Variants in VGLL4 observed in about 807,000 individuals in gnomAD.
The protein encoded by VGLL4 is vestigial like family member 4.
Under a neutral mutation model 21.0 loss-of-function variants are expected in VGLL4, and 7 were observed. That is an observed-to-expected ratio of 0.33 (90% confidence interval 0.19 to 0.63). The LOEUF is 0.63. VGLL4 is among the 20% of genes least tolerant of loss of function. The pLI is 0.78. For synonymous variants in VGLL4, 222 were observed against 173.2 expected (o/e 1.28, Z -2.21); for missense variants, 394 against 425.7 (o/e 0.93, Z 0.66).
rs2076965147 is a variant in VGLL4 at position 11,719,569 on chromosome 3, AAACACG to A, written c.-14+819_-14+824del. 1 of 151,520 alleles carries A rather than the reference AAACACG, an allele frequency of 6.6e-6. No homozygotes were observed. Among genetic ancestry groups the A allele is most frequent in the Admixed American group, 6.6e-5 (1 of 15,202 alleles). The allele number at this position is 151,520 out of a possible 1,614,324, so 9.4% of individuals were successfully genotyped here. ...CCGAGCCCCCGCACGGGCCCCCGCCAAACACGCACACGCACACGCACGCGCGGACCG... is the reference window on the plus strand; with the variant it reads ...CCGAGCCCCCGCACGGGCCCCCGCCACACACGCACACGCACGCGCGGACCG... On this transcript the variant is annotated intron_variant, in intron 1 of 5. Coordinates refer to the VGLL4 transcript ENST00000273038. This position sits in a 1 kb window ranked among gnomAD's most constrained non-coding sequence, Gnocchi z 4.0.
chr3:11,621,710 C>G (rs752963898), intron 1 of VGLL4, among the ~76,000 whole-genome samples: 13 of 152,148 alleles, frequency 8.5e-5, no homozygotes, highest in Non-Finnish European at 1.6e-4. Context: ...CAAATGGTAA[C>G]TCTATGTTTA....
At chr3:11,588,228 G>T (rs1487538009) in intron 2 of VGLL4, among the ~76,000 whole-genome samples, 1 of 152,232 alleles carries the variant, frequency 6.6e-6, no homozygotes, top group Non-Finnish European at 1.5e-5. Flanking sequence ...TAGTGCTACA[G>T]ACCTGAGCAA....
chr3:11,643,909 G>C lies in VGLL4; in HGVS notation c.-391C>G, dbSNP rs1379111512. The C allele has an allele frequency of 9.8e-7, 1 of 1,016,226 alleles. No homozygotes were observed. Among genetic ancestry groups the C allele is most frequent in the Non-Finnish European group, 1.2e-6 (1 of 849,030 alleles). The allele number at this position is 1,016,226 out of a possible 1,614,324, so 63.0% of individuals were successfully genotyped here. ...CTGCAAGCCGGCAGCGCTGACATGA[G>C]GGCTATGCTTGGCATGACTCCTATG... On this transcript the variant is annotated 5_prime_UTR_variant, in exon 1 of 5. Transcript: ENST00000430365.
chr3:11,652,179 C>T (rs1386565605), intron 2 of VGLL4, among the ~76,000 whole-genome samples: 1 of 152,122 alleles, frequency 6.6e-6, no homozygotes, highest in Non-Finnish European at 1.5e-5. Flanking sequence ...CTGCAGAATT[C>T]GTGCTATTCT....
intron 1 of VGLL4, chr3:11,610,671 G>C (rs180741333): frequency 9.7e-4 from 148 of 152,322 alleles, no homozygotes; most frequent in African/African-American, 3.2e-3. Flanking sequence ...ATTGTGTTGA[G>C]AGAGTACAGC....
chr3:11,643,902 G>T lies in VGLL4; in HGVS notation c.-384C>A. Reference sequence around the variant, plus strand: ...CAGCCCGCTGCAAGCCGGCAGCGCTGACATGAGGGCTATGCTTGGCATGAC... The same window carrying T: ...CAGCCCGCTGCAAGCCGGCAGCGCTTACATGAGGGCTATGCTTGGCATGAC... On this transcript the variant is annotated 5_prime_UTR_variant, in exon 1 of 5. It introduces an in-frame stop codon into an upstream open reading frame of the 5' UTR. Transcript: ENST00000430365. The T allele has an allele frequency of 1.9e-6, 2 of 1,027,488 alleles. No homozygotes were observed. Among genetic ancestry groups the T allele is most frequent in the Non-Finnish European group, 2.3e-6 (2 of 855,960 alleles). 63.6% of individuals were successfully genotyped at this position (1,027,488 alleles called of 1,614,324 possible). A position where few individuals can be genotyped will look rare whatever the true frequency, so the allele number is the denominator to read the frequency against.
chr3:11,609,935 G>A (rs537554711), intron 1 of VGLL4, among the ~76,000 whole-genome samples: 2 of 152,300 alleles, frequency 1.3e-5, no homozygotes, highest in East Asian at 1.9e-4. Context: ...TCTCTATGCC[G>A]TGCCGAACAG....
chr3:11,643,710 G>A lies in VGLL4; in HGVS notation c.-192C>T. The A allele has an allele frequency of 7.1e-7, 1 of 1,418,360 alleles. No individual in the cohort carries two copies. Among genetic ancestry groups the A allele is most frequent in the Non-Finnish European group, 9.2e-7 (1 of 1,092,032 alleles). 87.9% of individuals were successfully genotyped at this position (1,418,360 alleles called of 1,614,324 possible). On this transcript the variant is annotated 5_prime_UTR_variant, in exon 1 of 5. Transcript: ENST00000430365. ...AGGCACAAAAAAATCGAGCTCACAC[G>A]AAACCCTTCAAGGGCTTACTGGTAG...
chr3:11,592,596 G>A (rs868114631), intron 2 of VGLL4, among the ~76,000 whole-genome samples: 2 of 152,152 alleles, frequency 1.3e-5, no homozygotes, highest in African/African-American at 4.8e-5. Context: ...AGGCTGCATC[G>A]TCCCAAACTA....
upstream of VGLL4, chr3:11,643,983 G>C: frequency 1.0e-6 from 1 of 990,202 alleles, no homozygotes; most frequent in Non-Finnish European, 1.2e-6. Context: ...ACTGCGCCGC[G>C]CTGCCGAGGC....
chr3:11,587,688 G>T (rs2074391600), intron 2 of VGLL4, among the ~76,000 whole-genome samples: 1 of 152,212 alleles, frequency 6.6e-6, no homozygotes, highest in Non-Finnish European at 1.5e-5. Flanking sequence ...CCACCCAAAA[G>T]AAATGTCTGG....
At chr3:11,640,163 T>G (rs1442545680) in intron 1 of VGLL4, among the ~76,000 whole-genome samples, 1 of 152,154 alleles carries the variant, frequency 6.6e-6, no homozygotes, top group Non-Finnish European at 1.5e-5. Flanking sequence ...ACAGCTGCCA[T>G]TGAGAGCTTG....
intron 2 of VGLL4, among the ~76,000 whole-genome samples, chr3:11,581,003 A>G (rs1048900923): frequency 6.6e-5 from 10 of 152,066 alleles, no homozygotes; most frequent in Non-Finnish European, 1.2e-4. Context: ...ATTGGTGTAC[A>G]GTGTTACAAA....
At chr3:11,588,264 T>C (rs567291191) in intron 2 of VGLL4, among the ~76,000 whole-genome samples, 2 of 152,164 alleles carry the variant, frequency 1.3e-5, no homozygotes, top group Non-Finnish European at 2.9e-5. Context: ...TGGTGGAACT[T>C]GTAGACCAGG....
At chr3:11,633,141 C>G (rs1353215903) in intron 1 of VGLL4, 1 of 152,150 alleles carries the variant, frequency 6.6e-6, no homozygotes, top group African/African-American at 2.4e-5. Flanking sequence ...CGCTGAGTAT[C>G]CTTGGGCTAG....
At chr3:11,591,830 G>A (rs1431861923) in intron 2 of VGLL4, among the ~76,000 whole-genome samples, 1 of 152,232 alleles carries the variant, frequency 6.6e-6, no homozygotes, top group African/African-American at 2.4e-5. Flanking sequence ...CCTCGGTGAC[G>A]ATCCTCCCTA....
chr3:11,655,728 G>A (rs1050043199), intron 2 of VGLL4, among the ~76,000 whole-genome samples: 2 of 152,182 alleles, frequency 1.3e-5, no homozygotes, highest in Non-Finnish European at 2.9e-5. Flanking sequence ...TTTCCAGTTT[G>A]TGTCTGGTTC....
chr3:11,681,385 G>GTAAT (rs2076368623), intron 2 of VGLL4, among the ~76,000 whole-genome samples: 4 of 152,188 alleles, frequency 2.6e-5, no homozygotes, highest in Non-Finnish European at 5.9e-5. Flanking sequence ...TACCCAGTGT[G>GTAAT]CCTTTCTTCA....
rs565603821 is a variant in VGLL4 at position 11,565,244 on chromosome 3, T to C, written c.273-225A>G. Reference sequence around the variant, plus strand: ...CCAGCGGAGTCCAAAGTCAGCTCCATAGAAGATGGAGCCCCCGACTCAGTG... The same window carrying C: ...CCAGCGGAGTCCAAAGTCAGCTCCACAGAAGATGGAGCCCCCGACTCAGTG... On this transcript the variant is annotated intron_variant, in intron 2 of 4. Coordinates refer to ENST00000430365, the MANE Select transcript of VGLL4 (RefSeq NM_001128219.3). This position sits in a 1 kb window ranked among gnomAD's most constrained non-coding sequence, Gnocchi z 4.1. Among the ~76,000 whole-genome samples, 2 of 152,220 alleles carry C rather than the reference T, an allele frequency of 1.3e-5. No individual in the cohort carries two copies. The highest frequency in any genetic ancestry group is 4.8e-5 in the African/African-American group (2 of 41,532).
Sources: allele counts gnomAD v4.1 joint callset (sites outside exome capture counted in the v4.1 genomes callset), GRCh38; gene constraint gnomAD v4.1.1; non-coding constraint Gnocchi (gnomAD v3.1); transcripts MANE v1.5; gene names NCBI Gene and HGNC (gene_info 2026-07-23, HGNC 2026-07-21).